Variants in PIKFYVE observed in about 807,000 individuals in gnomAD.
The protein encoded by PIKFYVE is 1-phosphatidylinositol 3-phosphate 5-kinase.
PIKFYVE carries 122 observed loss-of-function variants against 257.9 expected under a neutral mutation model. The observed-to-expected ratio is 0.47, with a 90% CI of 0.41 to 0.55. PIKFYVE has a LOEUF of 0.55. Ranked by LOEUF, PIKFYVE falls within the 20% of genes least tolerant of loss-of-function variation. The pLI is 0.00. For missense variants in PIKFYVE, 2,160 were observed against 2,536.6 expected (o/e 0.85, Z 3.19); for synonymous variants, 892 against 868.9 (o/e 1.03, Z -0.47).
chr2:208,301,495 A>G (rs1314563865), intron 9 of PIKFYVE, among the ~76,000 whole-genome samples: 1 of 152,198 alleles, frequency 6.6e-6, no homozygotes, highest in East Asian at 1.9e-4. Flanking sequence ...AATCATTTAT[A>G]AAAAAGAGTA....
chr2:208,357,154 G>A lies in PIKFYVE; in HGVS notation c.*1849G>A, dbSNP rs2125851584. The A allele has an allele frequency of 6.6e-6, 1 of 152,282 alleles. No individual in the cohort carries two copies. The highest frequency in any genetic ancestry group is 1.9e-4 in the East Asian group (1 of 5,188). The allele number at this position is 152,282 out of a possible 1,614,324, so 9.4% of individuals were successfully genotyped here. A position where few individuals can be genotyped will look rare whatever the true frequency, so the allele number is the denominator to read the frequency against. The stretch of plus-strand genomic sequence containing the variant: ...TGAGGATTTTAGTTTTGAAATCAAA[G>A]ACTATTAAAGGAGCTGTACAGAGGT... On this transcript the variant is annotated 3_prime_UTR_variant, in exon 42 of 42. Transcript: ENST00000264380.
At chr2:208,288,320 G>C (rs976757734) in intron 6 of PIKFYVE, among the ~76,000 whole-genome samples, 1 of 152,168 alleles carries the variant, frequency 6.6e-6, no homozygotes, top group Non-Finnish European at 1.5e-5. Flanking sequence ...GTAAGAGGTC[G>C]AGCCTGCACT....
At chr2:208,321,575 GTTTT>G (rs869195257) in intron 17 of PIKFYVE, among the ~76,000 whole-genome samples, 12 of 143,098 alleles carry the variant, frequency 8.4e-5, no homozygotes, top group South Asian at 4.3e-4. Flanking sequence ...CTTTTCTTTT[GTTTT>G]TTTTTTTTTT....
chr2:208,333,601 A>G, intron 24 of PIKFYVE, 108 bp downstream of exon 24: 1 of 1,197,240 alleles, frequency 8.4e-7, no homozygotes, highest in Non-Finnish European at 1.2e-6. Context: ...GGGATTCCCC[A>G]TTTATACCCT....
At chr2:208,333,629 A>G in intron 24 of PIKFYVE, 136 bp downstream of exon 24, 1 of 919,016 alleles carries the variant, frequency 1.1e-6, no homozygotes, top group Non-Finnish European at 1.7e-6. Flanking sequence ...GCAGAGGACC[A>G]GACTGTATTA....
In PIKFYVE at chr2:208,336,871, A is replaced by G. The variant is rs764574761; in HGVS notation, c.4554A>G (p.Arg1518=). 1.9e-6 allele frequency: 3 copies of G among 1,613,224 alleles called. No homozygotes were observed. Among genetic ancestry groups the G allele is most frequent in the South Asian group, 1.1e-5 (1 of 91,080 alleles). Residue 1518 remains arginine, a synonymous_variant, in exon 28 of 42, where the codon AGA becomes AGG. Coordinates refer to ENST00000264380, the MANE Select transcript of PIKFYVE (RefSeq NM_015040.4). ...ACCTTTTCCAACAGGAAAAGGGTAG[A>G]AAGAGACCTTCAGTTCCTCCAAGTC... is the stretch of plus-strand genomic sequence containing the variant. The part of the protein sequence containing the change: ...LQDLFQQEKG[R]KRPSVPPSPG...
intron 2 of PIKFYVE, among the ~76,000 whole-genome samples, chr2:208,272,786 A>G (rs1689600137): frequency 1.3e-5 from 2 of 150,586 alleles, no homozygotes; most frequent in South Asian, 4.2e-4. Flanking sequence ...TTTTAAGACA[A>G]TGATACTTAA....
chr2:208,266,394 G>C lies in PIKFYVE; in HGVS notation c.-31G>C, dbSNP rs1688629991. On this transcript the variant is annotated 5_prime_UTR_variant, in exon 1 of 42. Transcript: ENST00000264380. ...GAGGCTGGGGCGGGGGGCAGCCGGC[G>C]CGGCCGGGGCAGGAGGCGCAGGTAA... The C allele has an allele frequency of 6.6e-6, 1 of 152,546 alleles. No homozygotes were observed. Among genetic ancestry groups the C allele is most frequent in the African/African-American group, 2.4e-5 (1 of 41,420 alleles). 9.4% of individuals were successfully genotyped at this position (152,546 alleles called of 1,614,324 possible). A position where few individuals can be genotyped will look rare whatever the true frequency, so the allele number is the denominator to read the frequency against.
In PIKFYVE at chr2:208,312,339, T is replaced by G. The variant is rs373726277; in HGVS notation, c.1696+44T>G. ...GTATGTGGAATGGTGTCTCTTTTTT[T>G]CATGAGGATATACTTAGGGCTTAGC... On this transcript the variant is annotated intron_variant, in intron 13 of 41. Transcript: ENST00000264380. The G allele has an allele frequency of 4.6e-4, 672 of 1,463,006 alleles. 5 individuals carry two copies. Among genetic ancestry groups the G allele is most frequent in the South Asian group, 2.2e-3 (191 of 85,072 alleles). The allele number at this position is 1,463,006 out of a possible 1,614,324, so 90.6% of individuals were successfully genotyped here.
intron 31 of PIKFYVE, among the ~76,000 whole-genome samples, chr2:208,341,260 T>TCA (rs1390130486): frequency 1.3e-5 from 2 of 152,096 alleles, no homozygotes; most frequent in African/African-American, 4.8e-5. Context: ...TGCCCACCTC[T>TCA]GTCTCCCAAA....
In PIKFYVE at chr2:208,277,576, T is replaced by C; in HGVS notation, c.481T>C (p.Cys161Arg). The C allele has an allele frequency of 1.2e-6, 2 of 1,613,950 alleles. No homozygotes were observed. Among genetic ancestry groups the C allele is most frequent in the Non-Finnish European group, 1.7e-6 (2 of 1,179,798 alleles). ...ACAATACTGGATGCCAGATAGCCAATGTAAAGAGTGCTATGACTGTAGTGA... is the reference window on the plus strand; with the variant it reads ...ACAATACTGGATGCCAGATAGCCAACGTAAAGAGTGCTATGACTGTAGTGA... ...LKQYWMPDSQ[C>R]KECYDCSEKF... The change falls in exon 5 of 42, where the codon TGT becomes CGT. Residue 161 changes from cysteine (C) to arginine (R), a missense_variant. Cys to Arg is a radical substitution (Grantham distance 180, BLOSUM62 -3). This residue lies in a region of PIKFYVE where 28 missense variants were observed against 68.2 expected (regional missense o/e 0.41). Transcript: ENST00000264380.
chr2:208,303,753 G>C (rs918154691), intron 10 of PIKFYVE, among the ~76,000 whole-genome samples: 1 of 152,112 alleles, frequency 6.6e-6, no homozygotes, highest in Non-Finnish European at 1.5e-5. Flanking sequence ...ACTAAAATTC[G>C]AAAGTCAATG....
At chr2:208,335,192 A>G (rs1270598396) in intron 24 of PIKFYVE, 114 bp from the exon 25 acceptor site, 3 of 749,932 alleles carry the variant, frequency 4.0e-6, no homozygotes, top group Non-Finnish European at 2.3e-6. Flanking sequence ...ATACGATTTT[A>G]TAGAAACTTT....
chr2:208,313,304 A>C (rs1231659354), intron 13 of PIKFYVE, among the ~76,000 whole-genome samples: 1 of 152,190 alleles, frequency 6.6e-6, no homozygotes, highest in South Asian at 2.1e-4. Context: ...TCCTTTAAAA[A>C]ATTTAAAGAT....
chr2:208,298,607 C>T (rs747989635), intron 7 of PIKFYVE, 34 bp from the exon 8 acceptor site: 1 of 1,611,876 alleles, frequency 6.2e-7, no homozygotes, highest in Non-Finnish European at 8.5e-7. Context: ...GAAGAATTTA[C>T]ACCTGTGATT....
intron 38 of PIKFYVE, among the ~76,000 whole-genome samples, chr2:208,352,205 T>G (rs1699835998): frequency 6.6e-6 from 1 of 152,156 alleles, no homozygotes; most frequent in Admixed American, 6.5e-5. Flanking sequence ...AAACGTGTAT[T>G]GAGAAACAAG....
rs1311518543 is a variant in PIKFYVE, at chr2:208,342,167, A to G, written c.4932-387A>G. On this transcript the variant is annotated intron_variant, in intron 31 of 41. Transcript: ENST00000264380. ...GAGCTACACTGGGTTTTTTTGTGTGATAATAGTAAAGTGGTTGTGTTGCAT... is the reference window on the plus strand; with the variant it reads ...GAGCTACACTGGGTTTTTTTGTGTGGTAATAGTAAAGTGGTTGTGTTGCAT... Among the ~76,000 whole-genome samples the G allele has an allele frequency of 3.3e-5, 5 of 152,324 alleles. No individual in the cohort carries two copies. The South Asian group carries it at 6.2e-4, about 19-fold the overall frequency.
intron 28 of PIKFYVE, among the ~76,000 whole-genome samples, chr2:208,338,138 C>A (rs759648584): frequency 1.3e-5 from 2 of 151,962 alleles, no homozygotes; most frequent in Non-Finnish European, 2.9e-5. Context: ...ATGAATCTAG[C>A]TATTTTCTAT....
rs780456048 is a variant in PIKFYVE at position 208,330,652 on chromosome 2, G to A, written c.3921G>A (p.Gln1307=). Residue 1307 remains glutamine, a synonymous_variant, in exon 23 of 42, where the codon CAG becomes CAA. Coordinates refer to ENST00000264380, the MANE Select transcript of PIKFYVE (RefSeq NM_015040.4). Reference sequence around the variant, plus strand: ...TGGATTCTCCAGTACCTGGATATCAGCATACAATTCTTACATATTCCTGGT... The same window carrying A: ...TGGATTCTCCAGTACCTGGATATCAACATACAATTCTTACATATTCCTGGT... The part of the protein sequence containing the change: ...KELDSPVPGY[Q]HTILTYSWCR... The A allele has an allele frequency of 3.1e-6, 5 of 1,613,920 alleles. No individual in the cohort carries two copies. Among genetic ancestry groups the A allele is most frequent in the Non-Finnish European group, 4.2e-6 (5 of 1,179,946 alleles).
Sources: gnomAD v4.1 joint callset for allele counts (sites outside exome capture counted in the v4.1 genomes callset) on GRCh38, gnomAD v4.1.1 for gene constraint, gnomAD v4.1.1 regional missense constraint, MANE v1.5 for transcripts, NCBI Gene and HGNC (gene_info 2026-07-23, HGNC 2026-07-21) for gene names.